The following CFAP20DC variants were observed in gnomAD, a reference collection of about 807,000 sequenced individuals.
CFAP20DC encodes the protein protein CFAP20DC.
A neutral mutation model predicts 101.7 loss-of-function variants in CFAP20DC; 84 were observed. The ratio of observed to expected loss-of-function variants is 0.83; its 90% CI spans 0.69 to 0.99. The LOEUF (loss-of-function observed/expected upper bound fraction) is 0.99. Among genes scored for constraint, CFAP20DC ranks in the 50% least tolerant of loss-of-function variants. CFAP20DC has a pLI of 0.00. For synonymous variants in CFAP20DC, 359 were observed against 351.2 expected (o/e 1.02, Z -0.25); for missense variants, 1,007 against 970.3 (o/e 1.04, Z -0.50).
rs905032034 is a variant in CFAP20DC, at chr3:59,007,652, T to A, written c.278+31905A>T. On this transcript the variant is annotated intron_variant, in intron 4 of 16. Coordinates refer to ENST00000482387, the MANE Select transcript of CFAP20DC (RefSeq NM_001394063.1). The surrounding 1 kb of genome is among the most constrained non-coding windows in gnomAD (Gnocchi z 4.4). ...ACCTCCACCAGAGCAGGTGCTGGTA[T>A]CATGGCTGGGAGACCTGACGACAGA... is the stretch of plus-strand genomic sequence containing the variant. Among the ~76,000 whole-genome samples the A allele has an allele frequency of 2.0e-5, 3 of 152,194 alleles. No homozygotes were observed. The highest frequency in any genetic ancestry group is 4.4e-5 in the Non-Finnish European group (3 of 68,034).
intron 14 of CFAP20DC, among the ~76,000 whole-genome samples, chr3:58,821,121 T>G (rs1267850523): frequency 6.6e-6 from 1 of 151,898 alleles, no homozygotes; most frequent in South Asian, 2.1e-4. Flanking sequence ...ATCCCTTCCT[T>G]ACACCTTATA....
At chr3:58,747,798 A>G (rs2068309710) in intron 16 of CFAP20DC, among the ~76,000 whole-genome samples, 2 of 152,132 alleles carry the variant, frequency 1.3e-5, no homozygotes. Flanking sequence ...ATTAACTCAC[A>G]CTAAAGTCTG....
chr3:58,966,289 G>T (rs1011375150), intron 4 of CFAP20DC, among the ~76,000 whole-genome samples: 1 of 152,134 alleles, frequency 6.6e-6, no homozygotes, highest in Non-Finnish European at 1.5e-5. Context: ...AGGAGGTCTT[G>T]GCTGGGGCCA....
At chr3:58,949,231 A>C (rs944293805) in intron 4 of CFAP20DC, among the ~76,000 whole-genome samples, 1 of 151,882 alleles carries the variant, frequency 6.6e-6, no homozygotes, top group Non-Finnish European at 1.5e-5. Context: ...TTTTCAAAAA[A>C]CCAGCTCCTG....
In CFAP20DC at chr3:58,935,194, C is replaced by T. The variant is rs546446145; in HGVS notation, c.393+2454G>A. 1.7e-3 allele frequency among the ~76,000 whole-genome samples: 257 copies of T among 152,208 alleles called. 2 individuals are homozygous for T. Among genetic ancestry groups the T allele is most frequent in the Admixed American group, 9.2e-3 (140 of 15,296 alleles). On this transcript the variant is annotated intron_variant, in intron 5 of 16. Coordinates refer to ENST00000482387, the MANE Select transcript of CFAP20DC (RefSeq NM_001394063.1). ...CACAATTGCTTCAAAGAGAAGAAAACACCTAGGAATCCAACTTACAAGGGA... is the reference window on the plus strand; with the variant it reads ...CACAATTGCTTCAAAGAGAAGAAAATACCTAGGAATCCAACTTACAAGGGA...
chr3:58,910,353 C>T (rs914732544), intron 6 of CFAP20DC, among the ~76,000 whole-genome samples: 22 of 152,072 alleles, frequency 1.4e-4, no homozygotes, highest in African/African-American at 5.3e-4. Flanking sequence ...TATCTTCATT[C>T]TGCATCATTT....
chr3:59,019,311 C>T (rs2093754881), intron 4 of CFAP20DC, among the ~76,000 whole-genome samples: 1 of 151,998 alleles, frequency 6.6e-6, no homozygotes, highest in African/African-American at 2.4e-5. Context: ...TCCTTTTCTC[C>T]TGAGCATACA....
intron 15 of CFAP20DC, among the ~76,000 whole-genome samples, chr3:58,770,593 G>A (rs1227556226): frequency 6.6e-6 from 1 of 152,228 alleles, no homozygotes; most frequent in African/African-American, 2.4e-5. Context: ...GAATATTCTA[G>A]AAGGAACAGC....
chr3:58,891,235 C>A (rs943182382), intron 6 of CFAP20DC, among the ~76,000 whole-genome samples: 3 of 151,938 alleles, frequency 2.0e-5, no homozygotes, highest in African/African-American at 7.2e-5. Flanking sequence ...CCGGCCCGGC[C>A]AACACAGCGA....
chr3:58,717,516 T>C lies in CFAP20DC; in HGVS notation c.*72A>G, dbSNP rs1027450480. ...AACTGTAGTTCAGGATGAGTATAGA[T>C]GCTCAAGGAAGAAGTGAGGACCCAC... On this transcript the variant is annotated 3_prime_UTR_variant, in exon 4 of 4. Transcript: ENST00000486145. The surrounding 1 kb of genome is among the most constrained non-coding windows in gnomAD (Gnocchi z 4.1). 7.4e-5 allele frequency: 31 copies of C among 416,586 alleles called. No individual in the cohort carries two copies. The Admixed American group carries it at 8.7e-4, about 12-fold the overall frequency. 25.8% of individuals were successfully genotyped at this position (416,586 alleles called of 1,614,324 possible). A position where few individuals can be genotyped will look rare whatever the true frequency, so the allele number is the denominator to read the frequency against.
chr3:58,964,382 G>GT lies in CFAP20DC; in HGVS notation c.279-26621dup, dbSNP rs1226544495. Among the ~76,000 whole-genome samples, 3 of 152,174 alleles carry GT rather than the reference G, an allele frequency of 2.0e-5. No homozygotes were observed. The highest frequency in any genetic ancestry group is 4.4e-5 in the Non-Finnish European group (3 of 68,030). On this transcript the variant is annotated intron_variant, in intron 4 of 16. Coordinates refer to ENST00000482387, the MANE Select transcript of CFAP20DC (RefSeq NM_001394063.1). The surrounding 1 kb of genome is among the most constrained non-coding windows in gnomAD (Gnocchi z 4.1). Reference sequence around the variant, plus strand: ...CCACCCCAAGGTGGGCATGTAACGTGTATGTTTCCTTATCACTCATGCACA... The same window carrying GT: ...CCACCCCAAGGTGGGCATGTAACGTGTTATGTTTCCTTATCACTCATGCACA...
intron 4 of CFAP20DC, among the ~76,000 whole-genome samples, chr3:59,037,068 G>A (rs1445569873): frequency 6.6e-6 from 1 of 152,092 alleles, no homozygotes; most frequent in Admixed American, 6.6e-5. Flanking sequence ...TTGGGAAACT[G>A]GATAGCCAAA....
chr3:58,757,245 C>T (rs986736431), intron 15 of CFAP20DC, among the ~76,000 whole-genome samples: 1 of 152,006 alleles, frequency 6.6e-6, no homozygotes, highest in Non-Finnish European at 1.5e-5. Flanking sequence ...TATTTTAATG[C>T]TTTCTGATAT....
rs1367637731 is a variant in CFAP20DC, at chr3:58,892,292, CTTAAGA to C, written c.551-7589_551-7584del. Among the ~76,000 whole-genome samples, 1 of 152,174 alleles carries C rather than the reference CTTAAGA, an allele frequency of 6.6e-6. No homozygotes were observed. Among genetic ancestry groups the C allele is most frequent in the Admixed American group, 6.5e-5 (1 of 15,284 alleles). ...GATGCCTCCAGCTTTGTTCTTTTTG[CTTAAGA>C]TTGTCTTGGCTATACAGATTCTTTT... On this transcript the variant is annotated intron_variant, in intron 6 of 16. Coordinates refer to ENST00000482387, the MANE Select transcript of CFAP20DC (RefSeq NM_001394063.1). The surrounding 1 kb of genome is among the most constrained non-coding windows in gnomAD (Gnocchi z 4.0).
At chr3:58,789,794 T>C (rs1317549397) in intron 15 of CFAP20DC, among the ~76,000 whole-genome samples, 2 of 152,186 alleles carry the variant, frequency 1.3e-5, no homozygotes, top group Non-Finnish European at 2.9e-5. Flanking sequence ...GATTGGACCA[T>C]TATTGTGAGT....
chr3:59,049,208 T>C (rs1333315332), intron 1 of CFAP20DC, among the ~76,000 whole-genome samples: 1 of 152,250 alleles, frequency 6.6e-6, no homozygotes, highest in Non-Finnish European at 1.5e-5. Flanking sequence ...ATGCATTCAC[T>C]CATTCACTCT....
chr3:58,855,744 T>A lies in CFAP20DC; in HGVS notation c.1594-6335A>T, dbSNP rs79903218. Among the ~76,000 whole-genome samples, 3,039 of 148,084 alleles carry A rather than the reference T, an allele frequency of 0.021. 210 individuals are homozygous for A. In the East Asian group the frequency reaches 0.24, roughly 12 times the overall value. On this transcript the variant is annotated intron_variant, in intron 12 of 16. Transcript: ENST00000482387. ...GTAAACTATCACAAGAAGAAAAAAC[T>A]AAACACCACATATTCTCACTCATAG...
At chr3:58,991,221 C>CTT (rs2108618608) in intron 4 of CFAP20DC, among the ~76,000 whole-genome samples, 1 of 152,260 alleles carries the variant, frequency 6.6e-6, no homozygotes, top group Non-Finnish European at 1.5e-5. Flanking sequence ...GGTCCACATC[C>CTT]TTAACAAACT....
chr3:59,040,257 C>T (rs1314413138), intron 3 of CFAP20DC, among the ~76,000 whole-genome samples: 1 of 152,014 alleles, frequency 6.6e-6, no homozygotes, highest in African/African-American at 2.4e-5. Flanking sequence ...TTCCCTATTA[C>T]TAGCTTCATC....
Sources: gnomAD v4.1 joint callset for allele counts (sites outside exome capture counted in the v4.1 genomes callset) on GRCh38, gnomAD v4.1.1 for gene constraint, Gnocchi (gnomAD v3.1) non-coding constraint, MANE v1.5 for transcripts, NCBI Gene and HGNC (gene_info 2026-07-23, HGNC 2026-07-21) for gene names.